SORBS2: variants seen among roughly 807,000 people sequenced by gnomAD.
SORBS2 encodes sorbin and SH3 domain containing 2.
Under a neutral mutation model 97.7 loss-of-function variants are expected in SORBS2, and 46 were observed. The ratio of observed to expected loss-of-function variants is 0.47; its 90% CI spans 0.37 to 0.60. SORBS2 has a LOEUF of 0.60. Among genes scored for constraint, SORBS2 ranks in the 20% least tolerant of loss-of-function variants. The pLI is 0.00. For synonymous variants in SORBS2, 476 were observed against 473.4 expected (o/e 1.01, Z -0.07); for missense variants, 1,316 against 1,282.3 (o/e 1.03, Z -0.40).
In SORBS2 at chr4:185,607,724, TCGCTGTGGCACCCAGG is replaced by T. The variant is rs1005019939; in HGVS notation, c.2796+4040_2796+4055del. On this transcript the variant is annotated intron_variant, in intron 12 of 14. Coordinates refer to ENST00000418609, the Ensembl canonical transcript of SORBS2. This position sits in a 1 kb window ranked among gnomAD's most constrained non-coding sequence, Gnocchi z 5.2. ...TAAAAAATTTTTTAGAGATGGAGTC[TCGCTGTGGCACCCAGG>T]CTGGAGTGCAGTGGTGTGATCTCGG... Among the ~76,000 whole-genome samples, 6 of 152,174 alleles carry T rather than the reference TCGCTGTGGCACCCAGG, an allele frequency of 3.9e-5. No homozygotes were observed. Among genetic ancestry groups the T allele is most frequent in the African/African-American group, 1.4e-4 (6 of 41,444 alleles).
intron 1 of SORBS2, among the ~76,000 whole-genome samples, chr4:185,893,463 C>T (rs1300287693): frequency 3.9e-5 from 6 of 152,172 alleles, no homozygotes; most frequent in African/African-American, 4.8e-5. Context: ...GAGACCCGGG[C>T]CCTTCAGCAC....
At chr4:185,693,063 G>T (rs1460784452) in intron 2 of SORBS2, among the ~76,000 whole-genome samples, 2 of 152,102 alleles carry the variant, frequency 1.3e-5, no homozygotes, top group South Asian at 2.1e-4. Flanking sequence ...AGGGAGCAGG[G>T]CAGGAGCCAT....
At chr4:185,863,156 T>C (rs765520955) in intron 1 of SORBS2, among the ~76,000 whole-genome samples, 1 of 152,146 alleles carries the variant, frequency 6.6e-6, no homozygotes, top group Non-Finnish European at 1.5e-5. Flanking sequence ...ATTTTTACAT[T>C]AGGGGAAACA....
intron 2 of SORBS2, among the ~76,000 whole-genome samples, chr4:185,753,799 TA>T (rs2098814796): frequency 6.6e-6 from 1 of 152,200 alleles, no homozygotes; most frequent in South Asian, 2.1e-4. Context: ...TTTCTAACAT[TA>T]TTCACCTATC....
chr4:185,893,356 C>T (rs765759209), intron 1 of SORBS2, among the ~76,000 whole-genome samples: 11 of 152,318 alleles, frequency 7.2e-5, no homozygotes, highest in South Asian at 4.2e-4. Context: ...ACCACTGCCG[C>T]GCTGGAGCAA....
chr4:185,611,378 A>T (rs1471451612), intron 12 of SORBS2, among the ~76,000 whole-genome samples: 1 of 151,462 alleles, frequency 6.6e-6, no homozygotes, highest in Non-Finnish European at 1.5e-5. Context: ...TGAATATATG[A>T]TTATATTTAT....
At chr4:185,768,065 A>G (rs2098946998) in intron 2 of SORBS2, among the ~76,000 whole-genome samples, 1 of 152,166 alleles carries the variant, frequency 6.6e-6, no homozygotes, top group Non-Finnish European at 1.5e-5. Flanking sequence ...CTAGTACAAT[A>G]TACGCCCAGC....
rs141280606 is a variant in SORBS2 at position 185,916,211 on chromosome 4, G to A, written c.-338+39985C>T. Among the ~76,000 whole-genome samples, 526 of 152,330 alleles carry A rather than the reference G, an allele frequency of 3.5e-3. 2 individuals are homozygous for A. The highest frequency in any genetic ancestry group is 6.0e-3 in the Non-Finnish European group (405 of 68,024). On this transcript the variant is annotated intron_variant, in intron 1 of 20. Coordinates refer to the SORBS2 transcript ENST00000284776. ...AGACTGAATTAGGAGGAATTTCAGAGTCCAGGTAGAAGATGGTGGACTTTG... is the reference window on the plus strand; with the variant it reads ...AGACTGAATTAGGAGGAATTTCAGAATCCAGGTAGAAGATGGTGGACTTTG...
At chr4:185,790,974 A>G (rs562176949) in intron 1 of SORBS2, among the ~76,000 whole-genome samples, 1 of 152,242 alleles carries the variant, frequency 6.6e-6, no homozygotes, top group Non-Finnish European at 1.5e-5. Context: ...GTGAACATTG[A>G]GTAGAAAATC....
At chr4:185,680,391 A>G (rs34304964) in intron 2 of SORBS2, among the ~76,000 whole-genome samples, 62,650 of 151,942 alleles carry the variant, frequency 0.41, 13,710 homozygotes, top group African/African-American at 0.54. Context: ...ATACAGTTTG[A>G]CAAAAAATAC....
chr4:185,766,954 A>G (rs1412199728), intron 2 of SORBS2, among the ~76,000 whole-genome samples: 2 of 152,118 alleles, frequency 1.3e-5, no homozygotes, highest in African/African-American at 4.8e-5. Flanking sequence ...TTCTAATATC[A>G]AGCTGGTCTT....
intron 2 of SORBS2, 116 bp downstream of exon 4, chr4:185,690,428 GAATCTATGCTATGTATCT>G (rs1163368618): frequency 4.0e-5 from 19 of 475,418 alleles, no homozygotes; most frequent in Non-Finnish European, 6.3e-5. Flanking sequence ...AGAAAGTAAT[GAATCTATGCTATGTATCT>G]AATCAGAAAC....
upstream of SORBS2, chr4:185,657,504 T>G (rs774634175): frequency 6.4e-7 from 1 of 1,568,390 alleles, no homozygotes; most frequent in South Asian, 1.2e-5. Context: ...ACTGTCACTC[T>G]CTTCTCTTCC....
rs12641084 is a variant in SORBS2 at position 185,724,413 on chromosome 4, A to C, written c.-197-45591T>G. ...GTTATCCTTTAATCTAGTATTTTCT[A>C]GAGTGCTGTGATATTTGCAGAATTA... On this transcript the variant is annotated intron_variant, in intron 2 of 20. Transcript: ENST00000284776. Among the ~76,000 whole-genome samples, 40 of 152,136 alleles carry C rather than the reference A, an allele frequency of 2.6e-4. 1 individual carries two copies. The East Asian group carries it at 7.4e-3, about 28-fold the overall frequency.
At chr4:185,844,561 C>T (rs1241497474) in intron 1 of SORBS2, among the ~76,000 whole-genome samples, 1 of 152,132 alleles carries the variant, frequency 6.6e-6, no homozygotes. Context: ...TTTCATGATT[C>T]CACAATAAAT....
chr4:185,663,028 G>A (rs564204452), intron 4 of SORBS2, among the ~76,000 whole-genome samples: 2 of 152,278 alleles, frequency 1.3e-5, no homozygotes, highest in South Asian at 4.1e-4. Flanking sequence ...CAGAGTAGAT[G>A]TTCAATAGGT....
At chr4:185,806,701 G>A (rs890046634) in intron 1 of SORBS2, among the ~76,000 whole-genome samples, 6 of 151,846 alleles carry the variant, frequency 4.0e-5, no homozygotes, top group South Asian at 4.2e-4. Context: ...CTCGTGATCC[G>A]CCCGCCTCGG....
At chr4:185,857,344 TCTTTA>T (rs1263214586) in intron 1 of SORBS2, among the ~76,000 whole-genome samples, 2 of 152,222 alleles carry the variant, frequency 1.3e-5, no homozygotes, top group African/African-American at 2.4e-5. Context: ...CTTATGCCTG[TCTTTA>T]CTTTAATCTC....
chr4:185,827,136 C>G (rs1432934585), intron 1 of SORBS2, among the ~76,000 whole-genome samples: 1 of 146,934 alleles, frequency 6.8e-6, no homozygotes, highest in Admixed American at 6.8e-5. Context: ...TCATCATCAT[C>G]ATCACCATTG....
Sources: allele counts gnomAD v4.1 joint callset (sites outside exome capture counted in the v4.1 genomes callset), GRCh38; gene constraint gnomAD v4.1.1; non-coding constraint Gnocchi (gnomAD v3.1); transcripts MANE v1.5; gene names NCBI Gene and HGNC (gene_info 2026-07-23, HGNC 2026-07-21).